ALG6: variants seen among roughly 807,000 people sequenced by gnomAD.
The protein encoded by ALG6 is dolichyl pyrophosphate Man9GlcNAc2 alpha-1,3-glucosyltransferase.
Under a neutral mutation model 66.6 loss-of-function variants are expected in ALG6, and 46 were observed. The observed-to-expected ratio is 0.69, with a 90% confidence interval of 0.55 to 0.88. The LOEUF (loss-of-function observed/expected upper bound fraction) is 0.88. Ranked by LOEUF, ALG6 falls within the 40% of genes least tolerant of loss-of-function variation. The pLI is 0.00. For synonymous variants in ALG6, 185 were observed against 203.7 expected (o/e 0.91, Z 0.78); for missense variants, 505 against 586.8 (o/e 0.86, Z 1.44).
chr1:63,390,979 G>T (rs971885420), intron 2 of ALG6, among the ~76,000 whole-genome samples: 1 of 152,126 alleles, frequency 6.6e-6, no homozygotes, highest in African/African-American at 2.4e-5. Context: ...AACTGATTTT[G>T]ATTCTTATGA....
chr1:63,393,141 A>G (rs1648720773), intron 2 of ALG6, among the ~76,000 whole-genome samples: 1 of 151,972 alleles, frequency 6.6e-6, no homozygotes, highest in African/African-American at 2.4e-5. Flanking sequence ...AGGAAAGTCA[A>G]CTCCTTTCCA....
chr1:63,430,456 T>C (rs926948637), intron 14 of ALG6, among the ~76,000 whole-genome samples: 4 of 152,234 alleles, frequency 2.6e-5, no homozygotes, highest in African/African-American at 9.6e-5. Flanking sequence ...ATTCTATGTT[T>C]AACATCTTCA....
intron 7 of ALG6, among the ~76,000 whole-genome samples, chr1:63,409,673 T>C (rs1463665656): frequency 6.6e-6 from 1 of 152,232 alleles, no homozygotes; most frequent in African/African-American, 2.4e-5. Flanking sequence ...TCATTTCGAT[T>C]CTTTTTCTGT....
At chr1:63,409,418 G>T (rs1452963810) in intron 7 of ALG6, among the ~76,000 whole-genome samples, 2 of 152,056 alleles carry the variant, frequency 1.3e-5, no homozygotes, top group Non-Finnish European at 2.9e-5. Flanking sequence ...TTTCTTTGAT[G>T]ATTTTCTCAC....
At chr1:63,420,098 A>G (rs952716848) in intron 12 of ALG6, among the ~76,000 whole-genome samples, 2 of 152,310 alleles carry the variant, frequency 1.3e-5, no homozygotes, top group South Asian at 2.1e-4. Context: ...TGGAAGATAC[A>G]TGTACAGAAT....
intron 12 of ALG6, among the ~76,000 whole-genome samples, chr1:63,421,985 T>C (rs1208719923): frequency 6.8e-6 from 1 of 147,214 alleles, no homozygotes; most frequent in Admixed American, 7.1e-5. Flanking sequence ...AACCTGCATG[T>C]TCTGCACATG....
At chr1:63,401,142 A>C (rs554645476) in intron 3 of ALG6, among the ~76,000 whole-genome samples, 85 of 152,282 alleles carry the variant, frequency 5.6e-4, no homozygotes, top group African/African-American at 1.9e-3. Context: ...ACCAGCTGGT[A>C]CCATACTGTA....
chr1:63,400,560 A>G (rs959972889), intron 3 of ALG6, among the ~76,000 whole-genome samples: 1 of 151,270 alleles, frequency 6.6e-6, no homozygotes, highest in African/African-American at 2.4e-5. Context: ...AATCCAACCA[A>G]TGACTTTATT....
intron 14 of ALG6, among the ~76,000 whole-genome samples, chr1:63,430,355 G>A (rs1336177389): frequency 6.6e-6 from 1 of 152,124 alleles, no homozygotes; most frequent in Non-Finnish European, 1.5e-5. Context: ...TAATGCTGTT[G>A]TGAACATTTG....
chr1:63,416,522 A>G (rs1644546556), intron 11 of ALG6, among the ~76,000 whole-genome samples: 1 of 152,176 alleles, frequency 6.6e-6, no homozygotes, highest in South Asian at 2.1e-4. Flanking sequence ...TTTTGTGTGT[A>G]TGTGTTGAGA....
chr1:63,420,291 C>T (rs746155723), intron 12 of ALG6, among the ~76,000 whole-genome samples: 120 of 152,146 alleles, frequency 7.9e-4, no homozygotes, highest in Non-Finnish European at 1.3e-3. Flanking sequence ...TGAGTTAGAG[C>T]TTACCACTAT....
At chr1:63,436,736 T>G (rs1644680535) in intron 14 of ALG6, 87 bp from the exon 15 acceptor site, 1 of 1,296,096 alleles carries the variant, frequency 7.7e-7, no homozygotes, top group Non-Finnish European at 1.1e-6. Flanking sequence ...CCTTTAATTC[T>G]GCTCATTTAA....
intron 14 of ALG6, among the ~76,000 whole-genome samples, chr1:63,434,317 C>A (rs1006040142): frequency 6.6e-6 from 1 of 152,138 alleles, no homozygotes; most frequent in African/African-American, 2.4e-5. Context: ...TTCAAGATGA[C>A]TCCAAGGTTT....
intron 7 of ALG6, 146 bp downstream of exon 7, chr1:63,407,272 C>A: frequency 1.6e-6 from 1 of 636,296 alleles, no homozygotes; most frequent in East Asian, 2.8e-5. Flanking sequence ...AGAATCTCTT[C>A]ACTAAGCTTT....
At chr1:63,416,691 T>A (rs1471857236) in intron 11 of ALG6, among the ~76,000 whole-genome samples, 1 of 152,198 alleles carries the variant, frequency 6.6e-6, no homozygotes, top group South Asian at 2.1e-4. Flanking sequence ...TTTAGGAGGA[T>A]GACTTGTGTC....
In ALG6 at chr1:63,411,133, G is replaced by T; in HGVS notation, c.495-13G>T. 1 of 1,612,366 alleles carries T rather than the reference G, an allele frequency of 6.2e-7. No homozygotes were observed. Among genetic ancestry groups the T allele is most frequent in the South Asian group, 1.1e-5 (1 of 90,716 alleles). On this transcript the variant is annotated splice_polypyrimidine_tract_variant and intron_variant, in intron 7 of 14. Coordinates refer to ENST00000263440, the MANE Select transcript of ALG6 (RefSeq NM_013339.4). ...AAAAGATTATTGAGATAATTTCCTT[G>T]ACACAGGAACATATATAATTCTGTG...
chr1:63,370,097 C>T (rs1381600738), intron 1 of ALG6, among the ~76,000 whole-genome samples: 2 of 151,478 alleles, frequency 1.3e-5, no homozygotes, highest in East Asian at 1.9e-4. Flanking sequence ...GGATTACAGG[C>T]GTGAGCCACC....
intron 14 of ALG6, among the ~76,000 whole-genome samples, chr1:63,434,257 A>G (rs1216730008): frequency 1.3e-5 from 2 of 152,070 alleles, no homozygotes; most frequent in African/African-American, 4.8e-5. Context: ...TTTTTTATAT[A>G]TTTTGAAGGT....
At chr1:63,419,521 C>A in intron 12 of ALG6, 81 bp downstream of exon 12, 1 of 961,110 alleles carries the variant, frequency 1.0e-6, no homozygotes, top group Non-Finnish European at 1.6e-6. Context: ...CATTTGAATG[C>A]AAAACAAAAC....
Sources: allele counts gnomAD v4.1 joint callset (sites outside exome capture counted in the v4.1 genomes callset), GRCh38; gene constraint gnomAD v4.1.1; transcripts MANE v1.5; gene names NCBI Gene and HGNC (gene_info 2026-07-23, HGNC 2026-07-21).